RSBN1: variants seen among roughly 807,000 people sequenced by gnomAD.
RSBN1 encodes the protein round spermatid basic protein 1, also known as lysine-specific demethylase 9.
In RSBN1, 23 loss-of-function variants were observed where a neutral mutation model predicts 74.8. That is an observed-to-expected ratio of 0.31 (90% CI 0.22 to 0.44). The LOEUF (loss-of-function observed/expected upper bound fraction) is 0.44, where lower values mean the gene tolerates loss of function less well. Ranked by LOEUF, RSBN1 falls within the 20% of genes least tolerant of loss-of-function variation. The pLI, the probability that RSBN1 is intolerant of heterozygous loss-of-function variation, is 1.00. For missense variants in RSBN1, 808 were observed against 1,020.9 expected (o/e 0.79, Z 2.84); for synonymous variants, 407 against 379.6 (o/e 1.07, Z -0.84).
chr1:113,771,079 A>G lies in RSBN1; in HGVS notation c.1659-2690T>C, dbSNP rs1017596042. Among the ~76,000 whole-genome samples the G allele has an allele frequency of 5.9e-5, 9 of 152,242 alleles. No homozygotes were observed. The South Asian group carries it at 6.2e-4, about 11-fold the overall frequency. On this transcript the variant is annotated intron_variant, in intron 4 of 6. Coordinates refer to ENST00000261441, the MANE Select transcript of RSBN1 (RefSeq NM_018364.5). Reference sequence around the variant, plus strand: ...AATAAGAATGAAAGACTCAAGACATATTGTGAAATTTCAGACTGCTGATGA... The same window carrying G: ...AATAAGAATGAAAGACTCAAGACATGTTGTGAAATTTCAGACTGCTGATGA...
intron 2 of RSBN1, among the ~76,000 whole-genome samples, chr1:113,780,112 T>C (rs1660109174): frequency 6.6e-6 from 1 of 152,210 alleles, no homozygotes. Context: ...GCTTTCTCTC[T>C]ATACAGGCAT....
intron 1 of RSBN1, among the ~76,000 whole-genome samples, chr1:113,801,716 A>G (rs1660587397): frequency 6.6e-6 from 1 of 152,236 alleles, no homozygotes; most frequent in Non-Finnish European, 1.5e-5. Flanking sequence ...GTGATTAAGA[A>G]AAACTTTCAC....
chr1:113,770,659 C>T (rs889373587), intron 4 of RSBN1, among the ~76,000 whole-genome samples: 7 of 152,128 alleles, frequency 4.6e-5, no homozygotes, highest in Non-Finnish European at 1.0e-4. Flanking sequence ...TACCTGTTGA[C>T]AAGACTCACC....
At position 113,803,581 on chromosome 1, in the gene RSBN1, C is replaced by T. The variant is rs140349362; in HGVS notation, c.704-5545G>A. Among the ~76,000 whole-genome samples, 339 of 152,260 alleles carry T rather than the reference C, an allele frequency of 2.2e-3. 4 individuals are homozygous for T. Among genetic ancestry groups the T allele is most frequent in the African/African-American group, 7.8e-3 (324 of 41,562 alleles). ...TAGTGTGCAGAGTAAATGAAAAACG[C>T]ATGTGAAGTACTTATAATAGTCCTA... On this transcript the variant is annotated intron_variant, in intron 1 of 6. Transcript: ENST00000261441.
chr1:113,786,916 A>G (rs1660255002), intron 2 of RSBN1, among the ~76,000 whole-genome samples: 1 of 152,198 alleles, frequency 6.6e-6, no homozygotes, highest in Non-Finnish European at 1.5e-5. Context: ...CTGATTTAAT[A>G]ATTAAATCTT....
intron 2 of RSBN1, among the ~76,000 whole-genome samples, chr1:113,781,722 C>T (rs1036520510): frequency 1.3e-5 from 2 of 152,070 alleles, no homozygotes; most frequent in Admixed American, 1.3e-4. Flanking sequence ...TCTGTATGTA[C>T]TTCGCCGGTT....
intron 2 of RSBN1, among the ~76,000 whole-genome samples, chr1:113,788,023 A>G (rs796461620): frequency 4.6e-5 from 7 of 152,286 alleles, no homozygotes; most frequent in African/African-American, 1.7e-4. Flanking sequence ...AACAAGTATA[A>G]TTAGTATCAG....
At chr1:113,782,739 G>C (rs1416344828) in intron 2 of RSBN1, among the ~76,000 whole-genome samples, 2 of 152,112 alleles carry the variant, frequency 1.3e-5, no homozygotes, top group African/African-American at 4.8e-5. Flanking sequence ...TGACCATAAT[G>C]TCTGTACTAA....
At chr1:113,772,600 T>G (rs531216581) in intron 4 of RSBN1, among the ~76,000 whole-genome samples, 1 of 152,334 alleles carries the variant, frequency 6.6e-6, no homozygotes, top group East Asian at 1.9e-4. Context: ...TGAGCTTCAG[T>G]AGCAGTGTCC....
At chr1:113,792,818 A>AGGGAAGGGAGGGGAAG (rs1660392482) in intron 2 of RSBN1, among the ~76,000 whole-genome samples, 1 of 152,094 alleles carries the variant, frequency 6.6e-6, no homozygotes, top group African/African-American at 2.4e-5. Context: ...AAAGAAAGGA[A>AGGGAAGGGAGGGGAAG]GGGAAGGGAG....
intron 2 of RSBN1, among the ~76,000 whole-genome samples, chr1:113,779,424 T>C (rs1349407607): frequency 1.3e-5 from 2 of 152,170 alleles, no homozygotes; most frequent in African/African-American, 2.4e-5. Flanking sequence ...TTTAATTCCT[T>C]ACAAATCCTC....
chr1:113,798,789 G>A (rs1660523595), intron 1 of RSBN1, among the ~76,000 whole-genome samples: 1 of 152,122 alleles, frequency 6.6e-6, no homozygotes, highest in Admixed American at 6.5e-5. Flanking sequence ...TCTAATAACA[G>A]GGGACTGATT....
intron 4 of RSBN1, among the ~76,000 whole-genome samples, chr1:113,775,427 G>A (rs533124927): frequency 4.4e-4 from 66 of 151,682 alleles, no homozygotes; most frequent in African/African-American, 1.5e-3. Flanking sequence ...CTGCGACCTC[G>A]GCCTCCTGAG....
At position 113,812,255 on chromosome 1, in the gene RSBN1, A is replaced by G. The variant is rs1490810794; in HGVS notation, c.158T>C (p.Val53Ala). 6.2e-7 allele frequency: 1 copy of G among 1,605,864 alleles called. No individual in the cohort carries two copies. Among genetic ancestry groups the G allele is most frequent in the South Asian group, 1.1e-5 (1 of 91,080 alleles). The change falls in exon 1 of 7, where the codon GTC becomes GCC. Residue 53 changes from valine (V) to alanine (A), a missense_variant. Physicochemically the swap from Val to Ala is moderately conservative, Grantham distance 64. Coordinates refer to ENST00000261441, the MANE Select transcript of RSBN1 (RefSeq NM_018364.5). ...CGCCCGTACTACGCGCACCGCTCCG[A>G]CCTGCGCAGCCATTTCACCCACAAA... is the stretch of plus-strand genomic sequence containing the variant. Reference protein sequence around the residue: ...CVFVGEMAAQVGAVRVVRAVA... With the variant: ...CVFVGEMAAQAGAVRVVRAVA...
chr1:113,763,608 G>T lies in RSBN1; in HGVS notation c.*2372C>A, dbSNP rs1054629479. On this transcript the variant is annotated 3_prime_UTR_variant, in exon 7 of 7. Transcript: ENST00000261441. Reference sequence around the variant, plus strand: ...ACTCACATAGGACATTCAGTTTTCAGATCACGTTACTAGCTAAATGTTTCT... The same window carrying T: ...ACTCACATAGGACATTCAGTTTTCATATCACGTTACTAGCTAAATGTTTCT... 1 of 152,872 alleles carries T rather than the reference G, an allele frequency of 6.5e-6. No individual in the cohort carries two copies. Among genetic ancestry groups the T allele is most frequent in the Middle Eastern group, 3.4e-3 (1 of 294 alleles). 9.5% of individuals were successfully genotyped at this position (152,872 alleles called of 1,614,324 possible). A position where few individuals can be genotyped will look rare whatever the true frequency, so the allele number is the denominator to read the frequency against.
In RSBN1 at chr1:113,763,467, G is replaced by GA. The variant is rs1486571368; in HGVS notation, c.*2512dup. On this transcript the variant is annotated 3_prime_UTR_variant, in exon 7 of 7. Transcript: ENST00000261441. The stretch of plus-strand genomic sequence containing the variant: ...CCAAACCAAATAATTTAATGATTTA[G>GA]AAAAATTGCAATCATTTGTATCACT... 1 of 152,666 alleles carries GA rather than the reference G, an allele frequency of 6.6e-6. No homozygotes were observed. Among genetic ancestry groups the GA allele is most frequent in the African/African-American group, 2.4e-5 (1 of 41,438 alleles). 9.5% of individuals were successfully genotyped at this position (152,666 alleles called of 1,614,324 possible).
intron 1 of RSBN1, among the ~76,000 whole-genome samples, chr1:113,805,374 G>A (rs988865730): frequency 3.3e-5 from 5 of 152,052 alleles, no homozygotes; most frequent in South Asian, 2.1e-4. Context: ...CACCGCGCCC[G>A]GCCTGTCCTA....
intron 2 of RSBN1, among the ~76,000 whole-genome samples, chr1:113,782,521 T>C (rs1660158198): frequency 6.6e-6 from 1 of 152,206 alleles, no homozygotes; most frequent in African/African-American, 2.4e-5. Flanking sequence ...ATTAAAATGA[T>C]GTAAGAATAA....
At position 113,763,980 on chromosome 1, in the gene RSBN1, T is replaced by C. The variant is rs990733085; in HGVS notation, c.*2000A>G. On this transcript the variant is annotated 3_prime_UTR_variant, in exon 7 of 7. Coordinates refer to ENST00000261441, the MANE Select transcript of RSBN1 (RefSeq NM_018364.5). ...TTTTGCTTTAACAGCCTTCTCTTCATGATTATTTTTAAAAGCAAATGTTGC... is the reference window on the plus strand; with the variant it reads ...TTTTGCTTTAACAGCCTTCTCTTCACGATTATTTTTAAAAGCAAATGTTGC... 1 of 152,380 alleles carries C rather than the reference T, an allele frequency of 6.6e-6. No individual in the cohort carries two copies. The highest frequency in any genetic ancestry group is 6.5e-5 in the Admixed American group (1 of 15,270). 9.4% of individuals were successfully genotyped at this position (152,380 alleles called of 1,614,324 possible). A position where few individuals can be genotyped will look rare whatever the true frequency, so the allele number is the denominator to read the frequency against.
Sources: gnomAD v4.1 joint callset for allele counts (sites outside exome capture counted in the v4.1 genomes callset) on GRCh38, gnomAD v4.1.1 for gene constraint, MANE v1.5 for transcripts, NCBI Gene and HGNC (gene_info 2026-07-23, HGNC 2026-07-21) for gene names.